The following HMCN1 variants were observed in gnomAD, a reference collection of about 807,000 sequenced individuals.
HMCN1 encodes the protein hemicentin-1.
A neutral mutation model predicts 625.9 loss-of-function variants in HMCN1; 321 were observed. That is an observed-to-expected ratio of 0.51 (90% CI 0.47 to 0.56). HMCN1 has a LOEUF of 0.56. Ranked by LOEUF, HMCN1 falls within the 20% of genes least tolerant of loss-of-function variation. The pLI, the probability that HMCN1 is intolerant of heterozygous loss-of-function variation, is 0.00. For missense variants in HMCN1, 6,588 were observed against 6,887.3 expected (o/e 0.96, Z 1.54); for synonymous variants, 2,425 against 2,417.6 (o/e 1.00, Z -0.09).
chr1:185,911,840 A>C (rs2102455644), intron 6 of HMCN1, 60 bp downstream of exon 6: 1 of 1,243,496 alleles, frequency 8.0e-7, no homozygotes, highest in East Asian at 2.3e-5. Context: ...TTTTTCATGA[A>C]GTATACACAA....
intron 100 of HMCN1, among the ~76,000 whole-genome samples, chr1:186,170,770 T>G (rs1652176914): frequency 6.6e-6 from 1 of 152,030 alleles, no homozygotes; most frequent in Non-Finnish European, 1.5e-5. Flanking sequence ...CACAGGCAAG[T>G]CCCCAAGAGT....
chr1:185,990,328 G>C lies in HMCN1; in HGVS notation c.3262G>C (p.Glu1088Gln). The C allele has an allele frequency of 6.2e-7, 1 of 1,613,940 alleles. No individual in the cohort carries two copies. Among genetic ancestry groups the C allele is most frequent in the Admixed American group, 1.7e-5 (1 of 60,022 alleles). The change falls in exon 22 of 107, where the codon GAG (glutamate) becomes CAG (glutamine). Residue 1088 changes from glutamate to glutamine, a missense_variant. Physicochemically the swap from Glu to Gln is conservative, Grantham distance 29 (BLOSUM62 2). Around this residue, in one of 3 missense-constraint regions of HMCN1, gnomAD observed 4,628 missense variants for 4,853.1 expected, o/e 0.95. Coordinates refer to ENST00000271588, the MANE Select transcript of HMCN1 (RefSeq NM_031935.3). ...AGGACTGTCCCAGGATAAGCCTGTTGAGATCTCCGTCCTTGCAGGGGAAGA... is the reference window on the plus strand; with the variant it reads ...AGGACTGTCCCAGGATAAGCCTGTTCAGATCTCCGTCCTTGCAGGGGAAGA... ...QRGLSQDKPVEISVLAGEEVT... is the reference protein window; with the variant it reads ...QRGLSQDKPVQISVLAGEEVT...
intron 71 of HMCN1, among the ~76,000 whole-genome samples, chr1:186,109,368 A>G (rs1419367658): frequency 6.6e-6 from 1 of 152,184 alleles, no homozygotes; most frequent in African/African-American, 2.4e-5. Flanking sequence ...AGAGTTACTA[A>G]CATGCTAAAT....
chr1:185,916,120 C>T (rs1666687785), intron 6 of HMCN1, among the ~76,000 whole-genome samples: 1 of 151,564 alleles, frequency 6.6e-6, no homozygotes, highest in Non-Finnish European at 1.5e-5. Flanking sequence ...GGATACATTT[C>T]CTAATCACAC....
intron 36 of HMCN1, among the ~76,000 whole-genome samples, chr1:186,025,804 C>T (rs1655026722): frequency 6.6e-6 from 1 of 152,100 alleles, no homozygotes; most frequent in Non-Finnish European, 1.5e-5. Context: ...GAAGGTTAGT[C>T]ATTTTAAGAG....
intron 1 of HMCN1, among the ~76,000 whole-genome samples, chr1:185,817,848 G>A (rs980465273): frequency 2.6e-5 from 4 of 151,666 alleles, no homozygotes; most frequent in African/African-American, 7.2e-5. Context: ...AAGCTGTTTC[G>A]GTTCATAGGA....
chr1:185,883,788 G>T (rs1664453230), intron 4 of HMCN1, among the ~76,000 whole-genome samples: 1 of 149,524 alleles, frequency 6.7e-6, no homozygotes, highest in Non-Finnish European at 1.5e-5. Context: ...GTTTTAATTT[G>T]GATTCCCCTC....
intron 1 of HMCN1, among the ~76,000 whole-genome samples, chr1:185,812,546 G>T (rs1051055414): frequency 6.6e-6 from 1 of 152,102 alleles, no homozygotes; most frequent in South Asian, 2.1e-4. Flanking sequence ...AGTGAAAATT[G>T]TAAGTATGAT....
chr1:185,755,752 C>T (rs1272498871), intron 1 of HMCN1, among the ~76,000 whole-genome samples: 2 of 152,066 alleles, frequency 1.3e-5, no homozygotes, highest in Admixed American at 6.6e-5. Context: ...TAGGAATTTC[C>T]ATTTTTCTCT....
In HMCN1 at chr1:186,137,646, C is replaced by T; in HGVS notation, c.13731C>T (p.Asn4577=). 1 of 1,614,040 alleles carries T rather than the reference C, an allele frequency of 6.2e-7. No homozygotes were observed. The highest frequency in any genetic ancestry group is 8.5e-7 in the Non-Finnish European group (1 of 1,179,958). ...PCQGSDLEMR[N]CQNKPCPVDG... is the part of the protein sequence containing the mutation. ...AAGGTTCAGATTTGGAAATGCGAAA[C>T]TGTCAAAATAAGCCTTGTCCAGGTA... Residue 4577 remains asparagine (N), a synonymous_variant, in exon 88 of 107, where the codon AAC becomes AAT. Transcript: ENST00000271588.
At chr1:186,188,408 G>A (rs541477022) in intron 106 of HMCN1, among the ~76,000 whole-genome samples, 37 of 152,136 alleles carry the variant, frequency 2.4e-4, no homozygotes, top group Non-Finnish European at 4.9e-4. Flanking sequence ...CTTTTCTGTT[G>A]CTTCACTGAC....
At chr1:185,847,903 T>C (rs757550680) in intron 2 of HMCN1, among the ~76,000 whole-genome samples, 13 of 152,090 alleles carry the variant, frequency 8.5e-5, no homozygotes, top group Non-Finnish European at 1.3e-4. Context: ...CAATGAGCTA[T>C]TATGATACTA....
chr1:185,882,879 G>C (rs74134350), intron 4 of HMCN1, among the ~76,000 whole-genome samples: 1 of 152,044 alleles, frequency 6.6e-6, no homozygotes, highest in Non-Finnish European at 1.5e-5. Context: ...CATTTACAAA[G>C]ATGGCAAAAG....
Position 186,067,927 on chromosome 1 carries a change from A to G in HMCN1, c.7799A>G (p.Tyr2600Cys). 6.2e-7 allele frequency: 1 copy of G among 1,613,306 alleles called. No homozygotes were observed. The highest frequency in any genetic ancestry group is 8.5e-7 in the Non-Finnish European group (1 of 1,179,304). The stretch of plus-strand genomic sequence containing the variant: ...CCTACATCTTTGGTCTGTGAAGCTT[A>G]TTCATATCCTCCAGCTACCATCACC... ...NSPTSLVCEA[Y>C]SYPPATITWF... The change falls in exon 50 of 107, where the codon TAT becomes TGT. Residue 2600 changes from tyrosine (Y) to cysteine (C), a missense_variant. Physicochemically the swap from Tyr to Cys is radical, Grantham distance 194. Coordinates refer to ENST00000271588, the MANE Select transcript of HMCN1 (RefSeq NM_031935.3).
chr1:185,933,947 T>C (rs1667689287), intron 11 of HMCN1, 123 bp downstream of exon 11: 2 of 861,066 alleles, frequency 2.3e-6, no homozygotes, highest in Admixed American at 3.5e-5. Context: ...CAGTTTTAAG[T>C]GATAGAATGC....
chr1:186,104,975 A>T (rs1001256951), intron 69 of HMCN1, among the ~76,000 whole-genome samples: 6 of 152,220 alleles, frequency 3.9e-5, no homozygotes, highest in Non-Finnish European at 7.3e-5. Flanking sequence ...TATAAAAAAA[A>T]TGACAAATAA....
chr1:186,037,321 G>A (rs919559901), intron 36 of HMCN1, among the ~76,000 whole-genome samples: 1 of 152,004 alleles, frequency 6.6e-6, no homozygotes, highest in South Asian at 2.1e-4. Context: ...TTTATATTAT[G>A]CCTCTCGGAC....
intron 1 of HMCN1, among the ~76,000 whole-genome samples, chr1:185,783,014 G>T (rs1361254806): frequency 2.0e-5 from 3 of 152,198 alleles, no homozygotes; most frequent in Non-Finnish European, 4.4e-5. Context: ...TTTTCATATA[G>T]TCCCATATTT....
chr1:186,110,977 CTT>C (rs557887846), intron 71 of HMCN1, among the ~76,000 whole-genome samples: 17 of 61,628 alleles, frequency 2.8e-4, no homozygotes, highest in South Asian at 1.2e-3. Context: ...AGAGAAAATT[CTT>C]TTTTTTTTTT....
Sources: gnomAD v4.1 joint callset for allele counts (sites outside exome capture counted in the v4.1 genomes callset) on GRCh38, gnomAD v4.1.1 for gene constraint, gnomAD v4.1.1 regional missense constraint, MANE v1.5 for transcripts, NCBI Gene and HGNC (gene_info 2026-07-23, HGNC 2026-07-21) for gene names.